Variants in MAP3K13 observed in about 807,000 individuals in gnomAD.
MAP3K13 encodes the protein mitogen-activated protein kinase kinase kinase 13.
Under a neutral mutation model 104.0 loss-of-function variants are expected in MAP3K13, and 52 were observed. The observed-to-expected ratio is 0.50, with a 90% CI of 0.40 to 0.63. The LOEUF (loss-of-function observed/expected upper bound fraction) is 0.63. Among genes scored for constraint, MAP3K13 ranks in the 20% least tolerant of loss-of-function variants. The probability of loss-of-function intolerance (pLI) is 0.00; values close to 1 mark genes in which losing one functional copy is unlikely to be tolerated. For synonymous variants in MAP3K13, 394 were observed against 442.2 expected (o/e 0.89, Z 1.37); for missense variants, 914 against 1,218.5 (o/e 0.75, Z 3.72).
chr3:185,408,654 G>A (rs1217997458), intron 1 of MAP3K13, among the ~76,000 whole-genome samples: 1 of 151,946 alleles, frequency 6.6e-6, no homozygotes, highest in East Asian at 1.9e-4. Context: ...GTATACAAGT[G>A]AGGCAACTAG....
intron 3 of MAP3K13, among the ~76,000 whole-genome samples, chr3:185,439,068 A>G (rs999090252): frequency 6.6e-6 from 1 of 152,194 alleles, no homozygotes; most frequent in African/African-American, 2.4e-5. Flanking sequence ...CCACAAAGTA[A>G]GGAAGGTAAA....
chr3:185,319,119 C>CT (rs34299011), intron 2 of MAP3K13, among the ~76,000 whole-genome samples: 3 of 151,892 alleles, frequency 2.0e-5, no homozygotes, highest in Admixed American at 6.6e-5. Context: ...TGGGACATGC[C>CT]TTTTTTTAAA....
intron 2 of MAP3K13, among the ~76,000 whole-genome samples, chr3:185,289,010 T>C (rs191862620): frequency 2.0e-4 from 31 of 152,302 alleles, no homozygotes; most frequent in African/African-American, 7.2e-4. Context: ...AGAACTGTTT[T>C]TACTCAACGT....
intron 1 of MAP3K13, among the ~76,000 whole-genome samples, chr3:185,405,619 C>T (rs989746549): frequency 6.6e-6 from 1 of 152,212 alleles, no homozygotes; most frequent in Non-Finnish European, 1.5e-5. Flanking sequence ...CCATCCTTCA[C>T]TCGTTCTTCA....
upstream of MAP3K13, among the ~76,000 whole-genome samples, chr3:185,362,538 G>C (rs546584176): frequency 6.6e-6 from 1 of 152,242 alleles, no homozygotes; most frequent in East Asian, 1.9e-4. Flanking sequence ...AGGTCAGCAA[G>C]ATGTTACTGC....
At chr3:185,378,102 G>A (rs1724526706) in intron 1 of MAP3K13, among the ~76,000 whole-genome samples, 1 of 152,200 alleles carries the variant, frequency 6.6e-6, no homozygotes, top group Non-Finnish European at 1.5e-5. Context: ...TCACAGTGGA[G>A]GCAAGGAATT....
At chr3:185,463,715 C>A in intron 8 of MAP3K13, 56 bp downstream of exon 8, 1 of 976,326 alleles carries the variant, frequency 1.0e-6, no homozygotes, top group Non-Finnish European at 1.6e-6. Context: ...CAGATGTTAA[C>A]AGGCACCCTT....
At chr3:185,364,864 T>A (rs990480268) in intron 1 of MAP3K13, among the ~76,000 whole-genome samples, 3 of 152,242 alleles carry the variant, frequency 2.0e-5, no homozygotes, top group African/African-American at 7.2e-5. Context: ...AGACATAATA[T>A]TTGTAAACAT....
At chr3:185,455,473 T>TG (rs1716511950) in intron 7 of MAP3K13, among the ~76,000 whole-genome samples, 1 of 22,558 alleles carries the variant, frequency 4.4e-5, no homozygotes, top group East Asian at 7.9e-4. Context: ...ATGAGATATA[T>TG]ACATGATATA....
intron 1 of MAP3K13, among the ~76,000 whole-genome samples, chr3:185,404,443 A>C (rs1712990932): frequency 1.3e-5 from 2 of 152,182 alleles, no homozygotes; most frequent in African/African-American, 4.8e-5. Flanking sequence ...TTTACACTTG[A>C]GCGTGAGAGC....
chr3:185,468,867 T>C (rs772354716), intron 10 of MAP3K13, among the ~76,000 whole-genome samples: 2 of 152,238 alleles, frequency 1.3e-5, no homozygotes, highest in Admixed American at 6.5e-5. Flanking sequence ...GTCTGCCCGA[T>C]GGCTGCTCCC....
At chr3:185,349,727 G>A (rs567368146) in intron 2 of MAP3K13, among the ~76,000 whole-genome samples, 1 of 152,342 alleles carries the variant, frequency 6.6e-6, no homozygotes, top group East Asian at 1.9e-4. Context: ...TCTCAGCTCA[G>A]TGCTAGCACA....
intron 2 of MAP3K13, among the ~76,000 whole-genome samples, chr3:185,316,577 G>A (rs1461516555): frequency 6.6e-6 from 1 of 152,170 alleles, no homozygotes; most frequent in Non-Finnish European, 1.5e-5. Context: ...GGAGGTGGAA[G>A]TTGCAGTGAG....
intron 2 of MAP3K13, among the ~76,000 whole-genome samples, chr3:185,306,408 G>A (rs1430731040): frequency 6.6e-6 from 1 of 152,192 alleles, no homozygotes; most frequent in Non-Finnish European, 1.5e-5. Context: ...CAGTGCATAA[G>A]TATTCTCTTT....
chr3:185,425,093 A>G (rs565831542), intron 1 of MAP3K13, among the ~76,000 whole-genome samples: 5 of 152,322 alleles, frequency 3.3e-5, no homozygotes, highest in Admixed American at 6.5e-5. Flanking sequence ...CAATAAACAC[A>G]TTTTGAATTT....
intron 1 of MAP3K13, among the ~76,000 whole-genome samples, chr3:185,397,259 T>G (rs1178289094): frequency 2.0e-5 from 3 of 152,242 alleles, no homozygotes; most frequent in Admixed American, 1.3e-4. Flanking sequence ...ATTTCTTATA[T>G]TCACAGAATG....
At chr3:185,398,673 A>C (rs1358725320) in intron 1 of MAP3K13, among the ~76,000 whole-genome samples, 1 of 152,240 alleles carries the variant, frequency 6.6e-6, no homozygotes, top group Non-Finnish European at 1.5e-5. Context: ...TCTGAGAAAC[A>C]TGGTGCCTAG....
intron 2 of MAP3K13, among the ~76,000 whole-genome samples, chr3:185,333,429 GA>G (rs879871025): frequency 5.3e-5 from 8 of 152,190 alleles, no homozygotes; most frequent in Admixed American, 5.2e-4. Context: ...CTAAAGTGCA[GA>G]AAAGAAATAA....
At chr3:185,307,545 C>CGCCCCA (rs1721331126) in intron 2 of MAP3K13, among the ~76,000 whole-genome samples, 1 of 48,152 alleles carries the variant, frequency 2.1e-5, no homozygotes, top group South Asian at 7.6e-4. Flanking sequence ...TGCACCACCC[C>CGCCCCA]CTCCCCCGCC....
Sources: allele counts gnomAD v4.1 joint callset (sites outside exome capture counted in the v4.1 genomes callset), GRCh38; gene constraint gnomAD v4.1.1; transcripts MANE v1.5; gene names NCBI Gene and HGNC (gene_info 2026-07-23, HGNC 2026-07-21).